The following VMP1 variants were observed in gnomAD, a reference collection of about 807,000 sequenced individuals.
VMP1 encodes the protein vacuole membrane protein 1.
A neutral mutation model predicts 56.0 loss-of-function variants in VMP1; 11 were observed. The ratio of observed to expected loss-of-function variants is 0.20; its 90% CI spans 0.12 to 0.32. The LOEUF is 0.32. Among genes scored for constraint, VMP1 ranks in the 10% least tolerant of loss-of-function variants. The pLI is 1.00. For missense variants in VMP1, 296 were observed against 490.3 expected (o/e 0.60, Z 3.74); for synonymous variants, 149 against 165.0 (o/e 0.90, Z 0.74).
chr17:59,724,782 AG>A (rs1429971820), intron 1 of VMP1, among the ~76,000 whole-genome samples: 1 of 151,942 alleles, frequency 6.6e-6, no homozygotes, highest in African/African-American at 2.4e-5. Flanking sequence ...TGGCTAACAC[AG>A]TGAAACCACG....
At chr17:59,807,832 C>CAAAAAA (rs543862899) in intron 7 of VMP1, among the ~76,000 whole-genome samples, 2 of 85,676 alleles carry the variant, frequency 2.3e-5, no homozygotes, top group African/African-American at 4.2e-5. Flanking sequence ...AACTCCGTCT[C>CAAAAAA]AAAAAAAAAA....
At chr17:59,715,170 T>C (rs1433977645) in intron 1 of VMP1, among the ~76,000 whole-genome samples, 1 of 152,234 alleles carries the variant, frequency 6.6e-6, no homozygotes, top group Non-Finnish European at 1.5e-5. Flanking sequence ...TTGAATTGCT[T>C]TTTTTATAAA....
rs761836934 is a variant in VMP1, at chr17:59,793,230, C to G, written c.715-15566C>G. Among the ~76,000 whole-genome samples, 39 of 112,516 alleles carry G rather than the reference C, an allele frequency of 3.5e-4. 12 individuals carry two copies. The Middle Eastern group carries it at 0.028, about 80-fold the overall frequency. The allele number at this position is 112,516 out of a possible 152,430, so 73.8% of individuals were successfully genotyped here. On this transcript the variant is annotated intron_variant, in intron 7 of 11. Coordinates refer to ENST00000262291, the MANE Select transcript of VMP1 (RefSeq NM_030938.5). ...ATGGGGTTTCTCCATGTTGGCCAGG[C>G]TGGTCTTGAACTCCCGACCTCAGTT... is the stretch of plus-strand genomic sequence containing the variant.
chr17:59,812,605 A>G (rs2038089154), intron 9 of VMP1, among the ~76,000 whole-genome samples: 1 of 152,214 alleles, frequency 6.6e-6, no homozygotes, highest in Non-Finnish European at 1.5e-5. Flanking sequence ...TTATATCAGT[A>G]TGGTTTGTAA....
chr17:59,773,153 G>A (rs967039777), intron 6 of VMP1, among the ~76,000 whole-genome samples: 1 of 151,404 alleles, frequency 6.6e-6, no homozygotes, highest in African/African-American at 2.4e-5. Context: ...GTAGAGATGG[G>A]GTTTCACCCT....
At position 59,841,692 on chromosome 17, in the gene VMP1, T is replaced by C. The variant is rs1299070757; in HGVS notation, c.*1781T>C. On this transcript the variant is annotated 3_prime_UTR_variant, in exon 12 of 12. Coordinates refer to ENST00000262291, the MANE Select transcript of VMP1 (RefSeq NM_030938.5). ...TAGATTAACATTAACCAACATAATT[T>C]TTTTTAGATCGAGTCAGCATAAATT... 1 of 152,822 alleles carries C rather than the reference T, an allele frequency of 6.5e-6. No individual in the cohort carries two copies. Among genetic ancestry groups the C allele is most frequent in the Non-Finnish European group, 1.5e-5 (1 of 68,420 alleles). The allele number at this position is 152,822 out of a possible 1,614,324, so 9.5% of individuals were successfully genotyped here. A position where few individuals can be genotyped will look rare whatever the true frequency, so the allele number is the denominator to read the frequency against.
chr17:59,824,842 C>T (rs994757862), intron 10 of VMP1, among the ~76,000 whole-genome samples: 6 of 137,618 alleles, frequency 4.4e-5, no homozygotes, highest in African/African-American at 1.7e-4. Context: ...CACTGCACTC[C>T]AGCCTGGGTG....
intron 5 of VMP1, among the ~76,000 whole-genome samples, chr17:59,761,080 T>G (rs1434557156): frequency 1.3e-5 from 2 of 151,610 alleles, no homozygotes; most frequent in Non-Finnish European, 2.9e-5. Context: ...TTTTTTGTAT[T>G]TTTAGTAGAG....
chr17:59,813,824 T>C (rs2038135375), intron 9 of VMP1, among the ~76,000 whole-genome samples: 1 of 152,202 alleles, frequency 6.6e-6, no homozygotes, highest in South Asian at 2.1e-4. Flanking sequence ...ACCTCTTGAA[T>C]GCAGTGCCTT....
At chr17:59,717,006 G>GTC (rs1002432709) in intron 1 of VMP1, among the ~76,000 whole-genome samples, 15 of 151,506 alleles carry the variant, frequency 9.9e-5, no homozygotes, top group African/African-American at 3.4e-4. Context: ...TTGAGACGGG[G>GTC]TCTCGCTCTG....
At chr17:59,800,730 CAT>C (rs1403376881) in intron 7 of VMP1, among the ~76,000 whole-genome samples, 16 of 152,274 alleles carry the variant, frequency 1.1e-4, no homozygotes, top group African/African-American at 3.6e-4. Context: ...ACATTACTCA[CAT>C]GTTTGTGGCG....
chr17:59,794,219 C>CTTTTTTTTTTT (rs574035691), intron 7 of VMP1, among the ~76,000 whole-genome samples: 1 of 64,648 alleles, frequency 1.5e-5, no homozygotes, highest in Non-Finnish European at 2.7e-5. Flanking sequence ...CGCACCCGGC[C>CTTTTTTTTTTT]TTTTTTTTTT....
At chr17:59,778,710 T>C (rs983212840) in intron 7 of VMP1, among the ~76,000 whole-genome samples, 2 of 152,198 alleles carry the variant, frequency 1.3e-5, no homozygotes, top group Admixed American at 1.3e-4. Flanking sequence ...TTCTTGGGGA[T>C]AGTTCAGTTT....
At chr17:59,717,066 G>A (rs570810195) in intron 1 of VMP1, among the ~76,000 whole-genome samples, 2 of 151,580 alleles carry the variant, frequency 1.3e-5, no homozygotes, top group South Asian at 4.2e-4. Context: ...TGCAAGCTCC[G>A]CCTCCCGGGT....
intron 8 of VMP1, among the ~76,000 whole-genome samples, chr17:59,809,746 T>C (rs965587411): frequency 2.0e-5 from 3 of 151,806 alleles, no homozygotes; most frequent in Non-Finnish European, 2.9e-5. Context: ...GACCTCGTGA[T>C]CCGCCCGCCT....
intron 5 of VMP1, among the ~76,000 whole-genome samples, chr17:59,759,464 T>C (rs2035963870): frequency 6.6e-6 from 1 of 152,230 alleles, no homozygotes; most frequent in Admixed American, 6.5e-5. Flanking sequence ...ATTTTCACAC[T>C]CTGTTATTGG....
rs760532528 is a variant in VMP1, at chr17:59,794,377, G to A, written c.715-14419G>A. ...TGGGATTACAAGCGCACGCCACCAC[G>A]CCTGGCTAATTTTTGTATTTTTAGT... On this transcript the variant is annotated intron_variant, in intron 7 of 11. Transcript: ENST00000262291. Among the ~76,000 whole-genome samples the A allele has an allele frequency of 3.5e-4, 52 of 150,560 alleles. 1 individual carries two copies. The highest frequency in any genetic ancestry group is 3.4e-3 in the Middle Eastern group (1 of 290).
intron 7 of VMP1, among the ~76,000 whole-genome samples, chr17:59,804,436 A>G (rs2037778057): frequency 6.6e-6 from 1 of 151,990 alleles, no homozygotes; most frequent in Admixed American, 6.6e-5. Context: ...CAACACGGTG[A>G]AACTCTATCT....
chr17:59,800,443 G>A (rs1193997957), intron 7 of VMP1, among the ~76,000 whole-genome samples: 2 of 152,156 alleles, frequency 1.3e-5, no homozygotes, highest in Admixed American at 1.3e-4. Flanking sequence ...TAATTTTTAG[G>A]TGGCACAAGA....
Sources: allele counts gnomAD v4.1 joint callset (sites outside exome capture counted in the v4.1 genomes callset), GRCh38; gene constraint gnomAD v4.1.1; transcripts MANE v1.5; gene names NCBI Gene and HGNC (gene_info 2026-07-23, HGNC 2026-07-21).